Variants in DCLK1 observed in about 807,000 individuals in gnomAD.
The protein encoded by DCLK1 is serine/threonine-protein kinase DCLK1.
A neutral mutation model predicts 86.2 loss-of-function variants in DCLK1; 16 were observed. The ratio of observed to expected loss-of-function variants is 0.19; its 90% CI spans 0.13 to 0.28. The LOEUF is 0.28. DCLK1 is among the 10% of genes least tolerant of loss of function. The pLI is 1.00. For missense variants in DCLK1, 590 were observed against 940.2 expected, an observed-to-expected ratio of 0.63 and a Z score of 4.87; for synonymous variants, 369 against 370.5, an observed-to-expected ratio of 1.00 and a Z score of 0.05.
At chr13:35,874,996 G>A (rs1872514220) in intron 4 of DCLK1, among the ~76,000 whole-genome samples, 1 of 152,236 alleles carries the variant, frequency 6.6e-6, no homozygotes, top group South Asian at 2.1e-4. Context: ...AGCATCGAGA[G>A]CTGCAGGCAT....
At chr13:36,005,568 G>C (rs577823060) in intron 3 of DCLK1, among the ~76,000 whole-genome samples, 3 of 152,314 alleles carry the variant, frequency 2.0e-5, no homozygotes, top group African/African-American at 7.2e-5. Context: ...ACACTCCATA[G>C]GTATCTCTGG....
chr13:36,008,218 A>ATT (rs1485661381), intron 3 of DCLK1, among the ~76,000 whole-genome samples: 1 of 4,512 alleles, frequency 2.2e-4, no homozygotes, highest in Non-Finnish European at 5.1e-4. Context: ...TATTATTATT[A>ATT]TTATTATTAT....
chr13:35,823,066 ACCAGTGGCATCTCCC>A (rs1207642689), intron 10 of DCLK1, among the ~76,000 whole-genome samples, 191 bp from the exon 11 acceptor site: 1 of 152,000 alleles, frequency 6.6e-6, no homozygotes, highest in Non-Finnish European at 1.5e-5. Flanking sequence ...CACTACAAAA[ACCAGTGGCATCTCCC>A]CCAGAGCTCA....
At chr13:36,079,164 A>G (rs1248292713) in intron 3 of DCLK1, among the ~76,000 whole-genome samples, 1 of 152,248 alleles carries the variant, frequency 6.6e-6, no homozygotes, top group Admixed American at 6.5e-5. Flanking sequence ...GTCACAGTAG[A>G]TCATAGAAAG....
At chr13:36,061,900 T>C (rs541323787) in intron 3 of DCLK1, among the ~76,000 whole-genome samples, 13 of 152,312 alleles carry the variant, frequency 8.5e-5, no homozygotes, top group Middle Eastern at 3.4e-3. Flanking sequence ...GTGTTGTTTT[T>C]CATAAAATAC....
chr13:35,845,203 G>A (rs376723955), intron 6 of DCLK1, among the ~76,000 whole-genome samples: 4 of 152,090 alleles, frequency 2.6e-5, no homozygotes, highest in Non-Finnish European at 5.9e-5. Context: ...AGCCAAGATC[G>A]CACCACTGCA....
intron 4 of DCLK1, among the ~76,000 whole-genome samples, chr13:35,890,415 T>G (rs1873572091): frequency 6.6e-6 from 1 of 152,188 alleles, no homozygotes; most frequent in South Asian, 2.1e-4. Flanking sequence ...CCTATTTAGG[T>G]TGGCCTAATT....
At chr13:35,977,503 C>T (rs958179234) in intron 3 of DCLK1, among the ~76,000 whole-genome samples, 3 of 152,136 alleles carry the variant, frequency 2.0e-5, no homozygotes, top group Non-Finnish European at 2.9e-5. Context: ...TTCTCCATTG[C>T]CCCAATATTA....
At position 35,887,338 on chromosome 13, in the gene DCLK1, C is replaced by A. The variant is rs115661648; in HGVS notation, c.824-15998G>T. Reference sequence around the variant, plus strand: ...GTTAGGCTGGACTTGCATATTTAAGCAGCTCCAGTGGGTCTTTAAGTACAA... The same window carrying A: ...GTTAGGCTGGACTTGCATATTTAAGAAGCTCCAGTGGGTCTTTAAGTACAA... On this transcript the variant is annotated intron_variant, in intron 4 of 16. Coordinates refer to ENST00000360631, the MANE Select transcript of DCLK1 (RefSeq NM_001330071.2). Among the ~76,000 whole-genome samples the A allele has an allele frequency of 6.1e-3, 923 of 152,288 alleles. 6 individuals are homozygous for A. The highest frequency in any genetic ancestry group is 0.021 in the African/African-American group (868 of 41,550).
At position 36,062,174 on chromosome 13, in the gene DCLK1, G is replaced by A. The variant is rs868635312; in HGVS notation, c.723+49695C>T. On this transcript the variant is annotated intron_variant, in intron 3 of 16. Transcript: ENST00000360631. ...GAACACCTACATTAATTTATATAGTGGCTTTGATGTTCAAGAAATACTGTA... is the reference window on the plus strand; with the variant it reads ...GAACACCTACATTAATTTATATAGTAGCTTTGATGTTCAAGAAATACTGTA... Among the ~76,000 whole-genome samples, 4 of 152,028 alleles carry A rather than the reference G, an allele frequency of 2.6e-5. 1 individual carries two copies. Among genetic ancestry groups the A allele is most frequent in the Middle Eastern group, 3.2e-3 (1 of 316 alleles).
chr13:35,918,909 T>TTTTTTTTTTTTTTTTC (rs58593783), intron 4 of DCLK1, among the ~76,000 whole-genome samples: 1 of 146,112 alleles, frequency 6.8e-6, no homozygotes, highest in Non-Finnish European at 1.5e-5. Context: ...TTTTTTTTTT[T>TTTTTTTTTTTTTTTTC]GGAAACGGAG....
At chr13:36,131,618 T>C (rs1425190549), upstream of DCLK1, among the ~76,000 whole-genome samples, 3 of 151,996 alleles carry the variant, frequency 2.0e-5, no homozygotes, top group Non-Finnish European at 2.9e-5. Flanking sequence ...TCCCCACAAG[T>C]AGTCTTTGGG....
At chr13:36,114,687 C>T (rs1452198891) in intron 2 of DCLK1, among the ~76,000 whole-genome samples, 2 of 152,212 alleles carry the variant, frequency 1.3e-5, no homozygotes, top group Non-Finnish European at 2.9e-5. Flanking sequence ...TAACACTGAA[C>T]TTCTCTCTGC....
chr13:36,064,289 G>C (rs755044921), intron 3 of DCLK1, among the ~76,000 whole-genome samples: 28 of 152,178 alleles, frequency 1.8e-4, no homozygotes, highest in Non-Finnish European at 3.5e-4. Flanking sequence ...ACTGTTCATC[G>C]TAAGTTTGCT....
chr13:35,816,201 C>T (rs767787962), intron 11 of DCLK1, among the ~76,000 whole-genome samples: 2 of 152,204 alleles, frequency 1.3e-5, no homozygotes, highest in Non-Finnish European at 2.9e-5. Context: ...ATTTCTGTCA[C>T]ACAATTATTA....
intron 4 of DCLK1, among the ~76,000 whole-genome samples, chr13:35,897,229 G>A (rs570431995): frequency 6.6e-6 from 1 of 152,292 alleles, no homozygotes; most frequent in African/African-American, 2.4e-5. Flanking sequence ...AAAAGAATAA[G>A]TAAGACTTGA....
At chr13:36,003,944 T>C (rs2153146328) in intron 3 of DCLK1, among the ~76,000 whole-genome samples, 1 of 152,318 alleles carries the variant, frequency 6.6e-6, no homozygotes. Flanking sequence ...GAGCAATGAG[T>C]AAATAAAATT....
chr13:36,062,407 A>C (rs1050598639), intron 3 of DCLK1, among the ~76,000 whole-genome samples: 2 of 152,092 alleles, frequency 1.3e-5, no homozygotes, highest in Non-Finnish European at 2.9e-5. Flanking sequence ...CAGTGTTGAG[A>C]ACCTAAGGTT....
chr13:35,829,857 C>A (rs1030596929), intron 8 of DCLK1, among the ~76,000 whole-genome samples: 1 of 152,160 alleles, frequency 6.6e-6, no homozygotes, highest in Non-Finnish European at 1.5e-5. Context: ...AGCTGTCACT[C>A]AGGAAGGGAA....
Sources: gnomAD v4.1 joint callset for allele counts (sites outside exome capture counted in the v4.1 genomes callset) on GRCh38, gnomAD v4.1.1 for gene constraint, MANE v1.5 for transcripts, NCBI Gene and HGNC (gene_info 2026-07-23, HGNC 2026-07-21) for gene names.